The following DRC10 variants were observed in gnomAD, a reference collection of about 807,000 sequenced individuals.
The protein encoded by DRC10 is dynein regulatory complex subunit 10.
chr12:113,207,829 C>T, the DRC10 span: 1 of 1,614,168 alleles, frequency 6.2e-7, no homozygotes, highest in Non-Finnish European at 8.5e-7. Flanking sequence ...CTGCAATTGC[C>T]TTTCTTTCTC....
the DRC10 span, among the ~76,000 whole-genome samples, chr12:113,211,850 G>C: frequency 2.0e-5 from 3 of 151,974 alleles, no homozygotes; most frequent in Non-Finnish European, 4.4e-5. Context: ...AAGATTCCTT[G>C]AGCCCAGGAG....
the DRC10 span, among the ~76,000 whole-genome samples, chr12:113,211,837 G>A: frequency 6.6e-6 from 1 of 151,546 alleles, no homozygotes; most frequent in Non-Finnish European, 1.5e-5. Context: ...AGGCCAAGGA[G>A]GGAAGATTCC....
chr12:113,215,769 G>C, the DRC10 span, among the ~76,000 whole-genome samples: 1 of 152,120 alleles, frequency 6.6e-6, no homozygotes, highest in Admixed American at 6.6e-5. Flanking sequence ...TTTCCTAGTA[G>C]TGAATTTAGA....
At chr12:113,199,399 C>CATAAATAAATAAATAAATAA in the DRC10 span, among the ~76,000 whole-genome samples, 47 of 150,790 alleles carry the variant, frequency 3.1e-4, no homozygotes, top group African/African-American at 8.3e-4. Flanking sequence ...CTGTCTCAAA[C>CATAAATAAATAAATAAATAA]ATAAATAAAT....
the DRC10 span, among the ~76,000 whole-genome samples, chr12:113,206,976 C>T: frequency 6.6e-6 from 1 of 152,090 alleles, no homozygotes; most frequent in African/African-American, 2.4e-5. Flanking sequence ...GGGAGGATTG[C>T]TTAAGCCTGA....
At chr12:113,209,205 C>G in the DRC10 span, among the ~76,000 whole-genome samples, 1 of 152,152 alleles carries the variant, frequency 6.6e-6, no homozygotes, top group Non-Finnish European at 1.5e-5. Flanking sequence ...TGAGCCACCA[C>G]GCCTGGCCAT....
At chr12:113,195,705 A>G in the DRC10 span, 2 of 1,613,708 alleles carry the variant, frequency 1.2e-6, no homozygotes, top group Non-Finnish European at 1.7e-6. Flanking sequence ...TAGGGCCTGG[A>G]TGAGCGTGGC....
chr12:113,213,198 A>AAAAAAAAC, the DRC10 span, among the ~76,000 whole-genome samples: 1 of 148,836 alleles, frequency 6.7e-6, no homozygotes, highest in African/African-American at 2.5e-5. Flanking sequence ...AAAAAAAAAA[A>AAAAAAAAC]AAAAAACCAA....
the DRC10 span, chr12:113,197,717 G>C: frequency 1.4e-6 from 1 of 728,440 alleles, no homozygotes; most frequent in African/African-American, 1.7e-5. Context: ...GACATGCCTC[G>C]CCTATTGAAC....
the DRC10 span, chr12:113,207,246 G>C: frequency 1.5e-6 from 1 of 657,786 alleles, no homozygotes. Context: ...TACTTGGGAG[G>C]CTGTGGTGGG....
At chr12:113,200,631 CTG>C in the DRC10 span, 9 of 1,530,424 alleles carry the variant, frequency 5.9e-6, no homozygotes, top group African/African-American at 1.1e-4. Flanking sequence ...GGTTGTAAAA[CTG>C]TGACTGCAGC....
At chr12:113,207,689 G>A in the DRC10 span, 1 of 1,614,154 alleles carries the variant, frequency 6.2e-7, no homozygotes, top group Non-Finnish European at 8.5e-7. Flanking sequence ...GGGTTGCTGA[G>A]CAAGAGTCTA....
chr12:113,208,406 C>T, the DRC10 span: 20 of 1,305,314 alleles, frequency 1.5e-5, no homozygotes, highest in Non-Finnish European at 1.9e-5. Flanking sequence ...AAGCAGTTTT[C>T]AGCTTTGTGA....
At chr12:113,202,361 A>C in the DRC10 span, among the ~76,000 whole-genome samples, 1 of 151,522 alleles carries the variant, frequency 6.6e-6, no homozygotes, top group Non-Finnish European at 1.5e-5. Flanking sequence ...ATTCAGTGAG[A>C]AGTGCCCAAC....
At chr12:113,208,033 G>T in the DRC10 span, 1 of 1,614,236 alleles carries the variant, frequency 6.2e-7, no homozygotes, top group Non-Finnish European at 8.5e-7. Context: ...CTCAATGGTG[G>T]TGAGTTTGGT....
At chr12:113,200,554 C>A in the DRC10 span, 122 of 1,454,280 alleles carry the variant, frequency 8.4e-5, 2 homozygotes, top group South Asian at 1.4e-3. Flanking sequence ...GCCCCCTCGG[C>A]CCATCCTCGC....
the DRC10 span, among the ~76,000 whole-genome samples, chr12:113,205,691 CA>C: frequency 1.5e-5 from 2 of 135,036 alleles, no homozygotes; most frequent in African/African-American, 5.6e-5. Flanking sequence ...AGATCGAGAC[CA>C]TCCTGGCTAA....
At chr12:113,210,587 C>A in the DRC10 span, among the ~76,000 whole-genome samples, 1 of 150,232 alleles carries the variant, frequency 6.7e-6, no homozygotes, top group Non-Finnish European at 1.5e-5. Flanking sequence ...CATAGCAAGT[C>A]CCCATCTCTT....
chr12:113,211,905 TAAAAAA>T, the DRC10 span, among the ~76,000 whole-genome samples: 4 of 148,070 alleles, frequency 2.7e-5, no homozygotes, highest in African/African-American at 9.9e-5. Flanking sequence ...TACAAAAAGT[TAAAAAA>T]AAAATTAGCC....
Sources: allele counts gnomAD v4.1 joint callset (sites outside exome capture counted in the v4.1 genomes callset), GRCh38; gene constraint gnomAD v4.1.1; transcripts MANE v1.5; gene names NCBI Gene and HGNC (gene_info 2026-07-23, HGNC 2026-07-21).